SDF4: variants seen among roughly 807,000 people sequenced by gnomAD.
SDF4 encodes the protein stromal cell derived factor 4.
A neutral mutation model predicts 34.2 loss-of-function variants in SDF4; 22 were observed. The observed-to-expected ratio is 0.64, with a 90% confidence interval of 0.46 to 0.92. The LOEUF (loss-of-function observed/expected upper bound fraction) is 0.92, where lower values mean the gene tolerates loss of function less well. Ranked by LOEUF, SDF4 falls within the 40% of genes least tolerant of loss-of-function variation. The probability of loss-of-function intolerance (pLI) is 0.00; values close to 1 mark genes in which losing one functional copy is unlikely to be tolerated. For missense variants in SDF4, 447 were observed against 499.9 expected (o/e 0.89, Z 1.01); for synonymous variants, 236 against 203.1 (o/e 1.16, Z -1.38).
At chr1:1,219,107 C>A in intron 4 of SDF4, 180 bp from the exon 5 acceptor site, 1 of 1,521,796 alleles carries the variant, frequency 6.6e-7, no homozygotes, top group Admixed American at 2.1e-5. Flanking sequence ...AGCCTGGACC[C>A]CCGCCAAGAC....
chr1:1,229,172 C>G (rs892226174), intron 1 of SDF4, among the ~76,000 whole-genome samples: 2 of 152,000 alleles, frequency 1.3e-5, no homozygotes, highest in African/African-American at 2.4e-5. Context: ...CATTTGTTTT[C>G]TCCGGACCAC....
rs781392709 is a variant in SDF4 at position 1,219,872 on chromosome 1, C to G, written c.557-945G>C. 3.0e-6 allele frequency: 3 copies of G among 985,748 alleles called. No individual in the cohort carries two copies. In the African/African-American group the frequency reaches 5.2e-5, roughly 17 times the overall value. The allele number at this position is 985,748 out of a possible 1,614,324, so 61.1% of individuals were successfully genotyped here. A position where few individuals can be genotyped will look rare whatever the true frequency, so the allele number is the denominator to read the frequency against. On this transcript the variant is annotated intron_variant, in intron 4 of 6. Coordinates refer to ENST00000360001, the MANE Select transcript of SDF4 (RefSeq NM_016176.6). ...GCCACAAGCCCGGCAGCCTCTGCGT[C>G]GCGCTCACTGCGGGATGAGGCCCAG...
chr1:1,227,704 C>A (rs1395975024), intron 2 of SDF4, among the ~76,000 whole-genome samples: 1 of 152,190 alleles, frequency 6.6e-6, no homozygotes, highest in East Asian at 1.9e-4. Flanking sequence ...CCCGGCCGTG[C>A]CGTAAGGAGT....
rs563191867 is a variant in SDF4, at chr1:1,219,803, G to GC, written c.557-877dup. Reference sequence around the variant, plus strand: ...AGTCCAGTGTTGAGGCCCACACTCAGCCCCCTGCACGTGAGGCCCGACTCT... The same window carrying GC: ...AGTCCAGTGTTGAGGCCCACACTCAGCCCCCCTGCACGTGAGGCCCGACTCT... On this transcript the variant is annotated intron_variant, in intron 4 of 6. Coordinates refer to ENST00000360001, the MANE Select transcript of SDF4 (RefSeq NM_016176.6). 435 of 985,852 alleles carry GC rather than the reference G, an allele frequency of 4.4e-4. 1 individual carries two copies. The African/African-American group carries it at 7.4e-3, about 17-fold the overall frequency. The allele number at this position is 985,852 out of a possible 1,614,324, so 61.1% of individuals were successfully genotyped here.
chr1:1,230,345 A>G (rs77696650), intron 1 of SDF4, among the ~76,000 whole-genome samples: 17,426 of 152,098 alleles, frequency 0.11, 1,143 homozygotes, highest in East Asian at 0.17. Context: ...ATCGAGAAAC[A>G]CCAGTGGGGC....
At chr1:1,229,485 T>A (rs1372304472) in intron 1 of SDF4, among the ~76,000 whole-genome samples, 3 of 152,250 alleles carry the variant, frequency 2.0e-5, no homozygotes, top group Admixed American at 1.3e-4. Flanking sequence ...GTGCTGGGAT[T>A]ACAGGCGTGA....
intron 2 of SDF4, among the ~76,000 whole-genome samples, chr1:1,225,511 T>G (rs1412066357): frequency 6.6e-6 from 1 of 151,836 alleles, no homozygotes; most frequent in Admixed American, 6.6e-5. Flanking sequence ...CACGCGCCCC[T>G]CCCTCAGCAG....
intron 3 of SDF4, 65 bp from the exon 4 acceptor site, chr1:1,223,422 A>G (rs1557517947): frequency 1.0e-5 from 12 of 1,193,152 alleles, no homozygotes; most frequent in South Asian, 1.4e-5. Flanking sequence ...CTCAACTGAG[A>G]TGGGGTCTTG....
At chr1:1,220,742 AG>A (rs1270437904) in intron 4 of SDF4, 1 of 1,289,220 alleles carries the variant, frequency 7.8e-7, no homozygotes, top group Non-Finnish European at 1.0e-6. Flanking sequence ...TGGGCAGAAA[AG>A]ACCCAAATAA....
At chr1:1,224,802 T>C (rs1199278235) in intron 2 of SDF4, among the ~76,000 whole-genome samples, 2 of 152,182 alleles carry the variant, frequency 1.3e-5, no homozygotes, top group African/African-American at 4.8e-5. Context: ...TGGTTTCAGC[T>C]ACTCAAGAGG....
At chr1:1,229,150 G>A (rs192471156) in intron 1 of SDF4, among the ~76,000 whole-genome samples, 1 of 151,778 alleles carries the variant, frequency 6.6e-6, no homozygotes, top group African/African-American at 2.4e-5. Context: ...GTTTTCTCTG[G>A]ACCACACGTG....
chr1:1,229,090 T>C (rs1260308719), intron 1 of SDF4, 144 bp from the exon 2 acceptor site: 1 of 439,746 alleles, frequency 2.3e-6, no homozygotes. Flanking sequence ...TGGCACTGCC[T>C]TCTCCAGACC....
chr1:1,223,540 T>C (rs1046816919), intron 3 of SDF4, among the ~76,000 whole-genome samples, 183 bp from the exon 4 acceptor site: 2 of 152,198 alleles, frequency 1.3e-5, no homozygotes, highest in East Asian at 3.9e-4. Context: ...CGGCAACGTC[T>C]GTGCCTCGGG....
rs1280444094 is a variant in SDF4 at position 1,218,999 on chromosome 1, G to A, written c.557-72C>T. ...ACGCAAATCCAGAAAGTTCCGAGAG[G>A]TGCTGCCTGAACTCGAGGGACACAG... is the stretch of plus-strand genomic sequence containing the variant. On this transcript the variant is annotated intron_variant, in intron 4 of 6. Coordinates refer to ENST00000360001, the MANE Select transcript of SDF4 (RefSeq NM_016176.6). This position sits in a 1 kb window ranked among gnomAD's most constrained non-coding sequence, Gnocchi z 7.9. The A allele has an allele frequency of 1.9e-6, 3 of 1,612,084 alleles. No individual in the cohort carries two copies. The highest frequency in any genetic ancestry group is 1.1e-5 in the South Asian group (1 of 90,814).
intron 4 of SDF4, chr1:1,219,203 A>ATC: frequency 8.4e-7 from 1 of 1,195,100 alleles, no homozygotes; most frequent in African/African-American, 2.1e-5. Context: ...GACAGCCTGG[A>ATC]CCCCCCCCTG....
intron 4 of SDF4, 87 bp from the exon 5 acceptor site, chr1:1,219,014 G>A (rs1361004180): frequency 6.8e-6 from 11 of 1,611,092 alleles, no homozygotes; most frequent in Non-Finnish European, 6.8e-6. Flanking sequence ...GCCTGAACTC[G>A]AGGGACACAG....
chr1:1,218,710 C>A lies in SDF4; in HGVS notation c.715+59G>T. 1 of 1,611,482 alleles carries A rather than the reference C, an allele frequency of 6.2e-7. No individual in the cohort carries two copies. The highest frequency in any genetic ancestry group is 1.1e-5 in the South Asian group (1 of 90,990). On this transcript the variant is annotated intron_variant, in intron 5 of 6. Coordinates refer to ENST00000360001, the MANE Select transcript of SDF4 (RefSeq NM_016176.6). This position sits in a 1 kb window ranked among gnomAD's most constrained non-coding sequence, Gnocchi z 7.9. ...CCTGCCCCGACCTCCCGACGATGCC[C>A]GGCCCCTGCCAGTCGGTCCTGGGTC...
At chr1:1,231,140 G>A (rs972156305) in intron 1 of SDF4, among the ~76,000 whole-genome samples, 1 of 152,224 alleles carries the variant, frequency 6.6e-6, no homozygotes, top group African/African-American at 2.4e-5. Context: ...TAAATATCAG[G>A]AGTCCATCAA....
chr1:1,230,389 T>G (rs1033482155), intron 1 of SDF4, among the ~76,000 whole-genome samples: 1 of 151,974 alleles, frequency 6.6e-6, no homozygotes, highest in African/African-American at 2.4e-5. Context: ...CAGTGCAGTC[T>G]GCCACAAACC....
Sources: allele counts gnomAD v4.1 joint callset (sites outside exome capture counted in the v4.1 genomes callset), GRCh38; gene constraint gnomAD v4.1.1; non-coding constraint Gnocchi (gnomAD v3.1); transcripts MANE v1.5; gene names NCBI Gene and HGNC (gene_info 2026-07-23, HGNC 2026-07-21).